ARHGAP44: variants seen among roughly 807,000 people sequenced by gnomAD.
ARHGAP44 encodes rho GTPase-activating protein 44.
ARHGAP44 carries 43 observed loss-of-function variants against 106.8 expected under a neutral mutation model. That is an observed-to-expected ratio of 0.40 (90% CI 0.32 to 0.52). The LOEUF is 0.52. Among genes scored for constraint, ARHGAP44 ranks in the 20% least tolerant of loss-of-function variants. The pLI is 0.48. For synonymous variants in ARHGAP44, 439 were observed against 410.3 expected (o/e 1.07, Z -0.85); for missense variants, 866 against 1,050.5 (o/e 0.82, Z 2.43).
intron 1 of ARHGAP44, among the ~76,000 whole-genome samples, chr17:12,793,529 G>A (rs989996496): frequency 4.6e-5 from 7 of 152,122 alleles, no homozygotes; most frequent in Admixed American, 6.5e-5. Flanking sequence ...CCAACATGGC[G>A]AAACCCCGTC....
intron 3 of ARHGAP44, among the ~76,000 whole-genome samples, chr17:12,905,280 T>A (rs1022848490): frequency 6.6e-6 from 1 of 152,170 alleles, no homozygotes; most frequent in African/African-American, 2.4e-5. Context: ...TTAAAAAGCA[T>A]ATCCCTTAAG....
chr17:12,854,668 CAG>C (rs1172185740), intron 1 of ARHGAP44, among the ~76,000 whole-genome samples: 2 of 152,088 alleles, frequency 1.3e-5, no homozygotes, highest in Non-Finnish European at 2.9e-5. Flanking sequence ...CAAAAAGAAA[CAG>C]TGTCTTGGCT....
At chr17:12,902,340 C>T (rs749350687) in intron 3 of ARHGAP44, among the ~76,000 whole-genome samples, 8 of 152,194 alleles carry the variant, frequency 5.3e-5, no homozygotes, top group Non-Finnish European at 1.2e-4. Flanking sequence ...GCACCCTGTT[C>T]GGTTCTCAGC....
intron 10 of ARHGAP44, among the ~76,000 whole-genome samples, chr17:12,945,389 A>G (rs1020475721): frequency 6.6e-6 from 1 of 152,194 alleles, no homozygotes; most frequent in African/African-American, 2.4e-5. Context: ...GGTTTCTTCC[A>G]TAGACTATTT....
intron 1 of ARHGAP44, among the ~76,000 whole-genome samples, chr17:12,880,471 T>C (rs1315650079): frequency 6.6e-6 from 1 of 152,198 alleles, no homozygotes; most frequent in Non-Finnish European, 1.5e-5. Flanking sequence ...TTTTGAGCTT[T>C]ATGAAAATGG....
chr17:12,789,713 C>T lies in ARHGAP44; in HGVS notation c.-126C>T, dbSNP rs1284444614. On this transcript the variant is annotated 5_prime_UTR_variant, in exon 1 of 21. Coordinates refer to ENST00000379672, the MANE Select transcript of ARHGAP44 (RefSeq NM_014859.6). Reference sequence around the variant, plus strand: ...AGCTGCGCGCGGGCCAGACGGCGCCCGGAGGCTCCGCAGTGCCGCCGCCGT... The same window carrying T: ...AGCTGCGCGCGGGCCAGACGGCGCCTGGAGGCTCCGCAGTGCCGCCGCCGT... The T allele has an allele frequency of 1.6e-5, 13 of 832,108 alleles. No individual in the cohort carries two copies. Among genetic ancestry groups the T allele is most frequent in the South Asian group, 3.7e-5 (1 of 27,112 alleles). 51.5% of individuals were successfully genotyped at this position (832,108 alleles called of 1,614,324 possible). A position where few individuals can be genotyped will look rare whatever the true frequency, so the allele number is the denominator to read the frequency against.
chr17:12,976,612 CAAAAA>C (rs59099893), intron 18 of ARHGAP44, among the ~76,000 whole-genome samples: 4 of 85,082 alleles, frequency 4.7e-5, no homozygotes, highest in Admixed American at 1.3e-4. Context: ...GACTCTGTGT[CAAAAA>C]AAAAAAAAAA....
chr17:12,847,334 G>C (rs545829483), intron 1 of ARHGAP44, among the ~76,000 whole-genome samples: 1 of 152,114 alleles, frequency 6.6e-6, no homozygotes, highest in South Asian at 2.1e-4. Flanking sequence ...AACTAATATA[G>C]CTGAACTCAT....
In ARHGAP44 at chr17:12,987,210, C is replaced by T. The variant is rs2039983215; in HGVS notation, c.2317+2302C>T. On this transcript the variant is annotated intron_variant, in intron 20 of 20. Transcript: ENST00000379672. ...GCTAGCTAGCCAGGCCAGCTGCCCGCTCCTCCCCTCCGCTCCTCGTCTCTG... is the reference window on the plus strand; with the variant it reads ...GCTAGCTAGCCAGGCCAGCTGCCCGTTCCTCCCCTCCGCTCCTCGTCTCTG... 7 of 1,427,926 alleles carry T rather than the reference C, an allele frequency of 4.9e-6. No homozygotes were observed. In the South Asian group the frequency reaches 8.8e-5, roughly 18 times the overall value. The allele number at this position is 1,427,926 out of a possible 1,614,324, so 88.5% of individuals were successfully genotyped here.
At chr17:12,950,003 C>T (rs1360349251) in intron 12 of ARHGAP44, among the ~76,000 whole-genome samples, 1 of 152,144 alleles carries the variant, frequency 6.6e-6, no homozygotes, top group Non-Finnish European at 1.5e-5. Flanking sequence ...TACCATCGCA[C>T]ACTCTGGAAC....
At chr17:12,869,620 C>T (rs1437932986) in intron 1 of ARHGAP44, among the ~76,000 whole-genome samples, 1 of 152,138 alleles carries the variant, frequency 6.6e-6, no homozygotes, top group Non-Finnish European at 1.5e-5. Context: ...GAAACAGTAA[C>T]TCCCCACTCC....
chr17:12,880,599 G>A (rs989935524), intron 1 of ARHGAP44, among the ~76,000 whole-genome samples: 1 of 151,568 alleles, frequency 6.6e-6, no homozygotes. Flanking sequence ...CATATAATAT[G>A]ACATTATGTG....
intron 19 of ARHGAP44, 134 bp downstream of exon 19, chr17:12,980,367 A>C: frequency 9.9e-7 from 1 of 1,006,382 alleles, no homozygotes; most frequent in Non-Finnish European, 1.4e-6. Flanking sequence ...TCTGGACATT[A>C]GAGCTTTGGA....
intron 1 of ARHGAP44, among the ~76,000 whole-genome samples, chr17:12,834,156 G>A (rs142709733): frequency 8.0e-4 from 121 of 152,068 alleles, no homozygotes; most frequent in African/African-American, 2.7e-3. Context: ...TGGTTTATGC[G>A]TTGCTTTTTA....
intron 19 of ARHGAP44, among the ~76,000 whole-genome samples, chr17:12,983,264 TAAA>T (rs56038306): frequency 1.0e-5 from 1 of 95,848 alleles, no homozygotes; most frequent in South Asian, 4.3e-4. Flanking sequence ...GACTCCATCT[TAAA>T]AAAAAAAAAA....
At chr17:12,966,998 T>C (rs2039406371) in intron 16 of ARHGAP44, among the ~76,000 whole-genome samples, 1 of 152,112 alleles carries the variant, frequency 6.6e-6, no homozygotes. Context: ...GGAGCTGGGA[T>C]CTTCCAAATT....
At chr17:12,951,489 T>G (rs2038990995) in intron 12 of ARHGAP44, among the ~76,000 whole-genome samples, 1 of 152,192 alleles carries the variant, frequency 6.6e-6, no homozygotes, top group East Asian at 1.9e-4. Context: ...AAACTGTCAC[T>G]CTTATTATTT....
At chr17:12,828,636 C>CTTTTTTTT (rs34860101) in intron 1 of ARHGAP44, among the ~76,000 whole-genome samples, 36 of 93,226 alleles carry the variant, frequency 3.9e-4, no homozygotes, top group Non-Finnish European at 5.5e-4. Flanking sequence ...TTTTTTCTTT[C>CTTTTTTTT]TTTTTTTTTT....
chr17:12,866,283 C>T (rs2036237307), intron 1 of ARHGAP44, among the ~76,000 whole-genome samples: 1 of 152,136 alleles, frequency 6.6e-6, no homozygotes, highest in African/African-American at 2.4e-5. Flanking sequence ...GGTAGCTGAT[C>T]CTCAGAAGGC....
Sources: allele counts gnomAD v4.1 joint callset (sites outside exome capture counted in the v4.1 genomes callset), GRCh38; gene constraint gnomAD v4.1.1; transcripts MANE v1.5; gene names NCBI Gene and HGNC (gene_info 2026-07-23, HGNC 2026-07-21).